The following CCSER1 variants were observed in gnomAD, a reference collection of about 807,000 sequenced individuals.
CCSER1 encodes coiled-coil serine rich protein 1, also known as serine-rich coiled-coil domain-containing protein 1.
In CCSER1, 41 loss-of-function variants were observed where a neutral mutation model predicts 82.0. The ratio of observed to expected loss-of-function variants is 0.50; its 90% confidence interval spans 0.39 to 0.65. The LOEUF is 0.65. Ranked by LOEUF, CCSER1 falls within the 30% of genes least tolerant of loss-of-function variation. CCSER1 has a pLI of 0.00. For synonymous variants in CCSER1, 414 were observed against 383.9 expected (o/e 1.08, Z -0.92); for missense variants, 1,119 against 1,064.2 (o/e 1.05, Z -0.72).
At chr4:90,208,030 C>G (rs908659376) in intron 1 of CCSER1, among the ~76,000 whole-genome samples, 1 of 152,102 alleles carries the variant, frequency 6.6e-6, no homozygotes, top group Non-Finnish European at 1.5e-5. Context: ...AGCACTGTGC[C>G]GGGAGATCTG....
intron 10 of CCSER1, among the ~76,000 whole-genome samples, chr4:91,517,024 G>T (rs1216086718): frequency 2.0e-5 from 3 of 152,072 alleles, no homozygotes; most frequent in African/African-American, 7.2e-5. Context: ...ATATTGGAAT[G>T]GTACTGATTT....
intron 4 of CCSER1, among the ~76,000 whole-genome samples, chr4:90,416,241 G>T (rs1460900460): frequency 1.3e-5 from 2 of 152,072 alleles, no homozygotes; most frequent in Admixed American, 1.3e-4. Context: ...GTTAAAAATA[G>T]GTTGATGGAA....
intron 9 of CCSER1, among the ~76,000 whole-genome samples, chr4:91,047,795 C>T (rs1156787554): frequency 6.6e-6 from 1 of 152,032 alleles, no homozygotes; most frequent in East Asian, 1.9e-4. Context: ...GAGGAAGCAA[C>T]CAAATTCTTT....
At chr4:90,229,665 CA>C (rs1332210968) in intron 1 of CCSER1, among the ~76,000 whole-genome samples, 1 of 152,166 alleles carries the variant, frequency 6.6e-6, no homozygotes, top group African/African-American at 2.4e-5. Flanking sequence ...AATTAAAAGA[CA>C]CAGACTGGCA....
intron 9 of CCSER1, among the ~76,000 whole-genome samples, chr4:91,026,113 A>G (rs1044524979): frequency 1.3e-5 from 2 of 152,152 alleles, no homozygotes; most frequent in Admixed American, 6.6e-5. Flanking sequence ...CATTAGGTAC[A>G]AGATGAAATT....
intron 1 of CCSER1, among the ~76,000 whole-genome samples, chr4:90,156,122 C>G (rs557154964): frequency 6.6e-6 from 1 of 152,094 alleles, no homozygotes; most frequent in Non-Finnish European, 1.5e-5. Flanking sequence ...GCCTTCATTT[C>G]GTTATGTACC....
intron 4 of CCSER1, among the ~76,000 whole-genome samples, chr4:90,431,520 A>G (rs756394883): frequency 1.3e-5 from 2 of 152,078 alleles, no homozygotes; most frequent in African/African-American, 2.4e-5. Flanking sequence ...CTTCCTACTC[A>G]CTGTTTCTTA....
At chr4:91,189,182 C>T (rs1224512573) in intron 10 of CCSER1, among the ~76,000 whole-genome samples, 1 of 151,872 alleles carries the variant, frequency 6.6e-6, no homozygotes, top group African/African-American at 2.4e-5. Context: ...TAAAACTTAC[C>T]ATAGCCTTAG....
At chr4:90,644,344 G>A (rs1474371686) in intron 6 of CCSER1, among the ~76,000 whole-genome samples, 1 of 152,076 alleles carries the variant, frequency 6.6e-6, no homozygotes, top group Non-Finnish European at 1.5e-5. Flanking sequence ...AAGTAAACTT[G>A]TGTTATGTGT....
At chr4:90,715,969 A>G (rs1741562877) in intron 6 of CCSER1, among the ~76,000 whole-genome samples, 1 of 151,818 alleles carries the variant, frequency 6.6e-6, no homozygotes, top group South Asian at 2.1e-4. Flanking sequence ...ATAAAATGTA[A>G]TACTATATAG....
chr4:91,516,172 G>A (rs1320059497), intron 10 of CCSER1, among the ~76,000 whole-genome samples: 2 of 152,032 alleles, frequency 1.3e-5, no homozygotes, highest in Non-Finnish European at 2.9e-5. Context: ...TGTTTACTCA[G>A]TTGACAGTTT....
intron 10 of CCSER1, among the ~76,000 whole-genome samples, chr4:91,322,625 T>A (rs1746273701): frequency 9.9e-6 from 1 of 100,844 alleles, no homozygotes; most frequent in Admixed American, 1.0e-4. Flanking sequence ...AGAAATACAT[T>A]ATATTAATTA....
intron 9 of CCSER1, among the ~76,000 whole-genome samples, chr4:90,971,983 A>G (rs532330793): frequency 1.7e-4 from 26 of 152,038 alleles, no homozygotes; most frequent in Admixed American, 1.4e-3. Context: ...GGATAAAGAA[A>G]GAATGTACCT....
At chr4:91,377,027 G>T (rs551903146) in intron 10 of CCSER1, among the ~76,000 whole-genome samples, 98 of 151,754 alleles carry the variant, frequency 6.5e-4, no homozygotes, top group African/African-American at 2.3e-3. Context: ...GCGATAGTTT[G>T]CTGAGAATGA....
intron 1 of CCSER1, among the ~76,000 whole-genome samples, chr4:90,134,285 T>C (rs1723290220): frequency 6.6e-6 from 1 of 152,222 alleles, no homozygotes; most frequent in African/African-American, 2.4e-5. Context: ...ATATCTCCTC[T>C]TTCTTCCTAA....
intron 5 of CCSER1, among the ~76,000 whole-genome samples, chr4:90,488,967 G>A (rs1005609821): frequency 6.6e-6 from 1 of 152,130 alleles, no homozygotes; most frequent in African/African-American, 2.4e-5. Flanking sequence ...ATATTTTATT[G>A]TATGGAAAAT....
intron 5 of CCSER1, among the ~76,000 whole-genome samples, chr4:90,609,889 G>C (rs1395980728): frequency 6.6e-6 from 1 of 152,126 alleles, no homozygotes; most frequent in Non-Finnish European, 1.5e-5. Context: ...GGGTGACATA[G>C]GATTCATATT....
chr4:91,301,813 A>G (rs973432629), intron 10 of CCSER1, among the ~76,000 whole-genome samples: 3 of 151,918 alleles, frequency 2.0e-5, no homozygotes, highest in Non-Finnish European at 1.5e-5. Flanking sequence ...GCCACCAACA[A>G]TGATGAGGCA....
chr4:90,228,373 C>T (rs902987831), intron 1 of CCSER1, among the ~76,000 whole-genome samples: 1 of 152,092 alleles, frequency 6.6e-6, no homozygotes, highest in Non-Finnish European at 1.5e-5. Flanking sequence ...ACTGACACCT[C>T]ACAGGGCTGG....
Sources: gnomAD v4.1 joint callset for allele counts (sites outside exome capture counted in the v4.1 genomes callset) on GRCh38, gnomAD v4.1.1 for gene constraint, MANE v1.5 for transcripts, NCBI Gene and HGNC (gene_info 2026-07-23, HGNC 2026-07-21) for gene names.